The following ZNF787 variants were observed in gnomAD, a reference collection of about 807,000 sequenced individuals.
The protein encoded by ZNF787 is TTF-I-interacting peptide 20.
A neutral mutation model predicts 16.9 loss-of-function variants in ZNF787; 7 were observed. The observed-to-expected ratio is 0.42, with a 90% CI of 0.24 to 0.78. The LOEUF is 0.78. Among genes scored for constraint, ZNF787 ranks in the 30% least tolerant of loss-of-function variants. The pLI is 0.30. For missense variants in ZNF787, 551 were observed against 589.3 expected, an observed-to-expected ratio of 0.94 and a Z score of 0.67; for synonymous variants, 345 against 270.9, an observed-to-expected ratio of 1.27 and a Z score of -2.69.
Position 56,087,886 on chromosome 19 carries a change from A to C in ZNF787, c.*137T>G, listed in dbSNP as rs1568520003. 2 of 1,256,872 alleles carry C rather than the reference A, an allele frequency of 1.6e-6. No individual in the cohort carries two copies. The highest frequency in any genetic ancestry group is 1.6e-5 in the African/African-American group (1 of 62,734). The allele number at this position is 1,256,872 out of a possible 1,614,324, so 77.9% of individuals were successfully genotyped here. ...GCCCCCCCACGGACGGCGCAGGGACAGAGGAGGGCGGGGAGCCGGGGATGC... is the reference window on the plus strand; with the variant it reads ...GCCCCCCCACGGACGGCGCAGGGACCGAGGAGGGCGGGGAGCCGGGGATGC... On this transcript the variant is annotated 3_prime_UTR_variant, in exon 3 of 3. Transcript: ENST00000610935.
intron 1 of ZNF787, among the ~76,000 whole-genome samples, chr19:56,109,487 T>C (rs139774961): frequency 1.1e-4 from 17 of 152,306 alleles, no homozygotes; most frequent in African/African-American, 3.8e-4. Flanking sequence ...TCCCTCAGCC[T>C]CCCCAAGGAT....
intron 2 of ZNF787, among the ~76,000 whole-genome samples, chr19:56,096,760 G>A (rs1237423079): frequency 6.6e-6 from 1 of 152,110 alleles, no homozygotes; most frequent in African/African-American, 2.4e-5. Context: ...AATAAAGAGA[G>A]ATGAGGGTGC....
intron 2 of ZNF787, among the ~76,000 whole-genome samples, chr19:56,091,588 G>A (rs76163768): frequency 0.017 from 2,618 of 152,318 alleles, 77 homozygotes; most frequent in African/African-American, 0.059. Flanking sequence ...TTCCTCTAGA[G>A]GCAAACTGGG....
chr19:56,106,923 G>C (rs1051354785), intron 1 of ZNF787, among the ~76,000 whole-genome samples: 1 of 152,248 alleles, frequency 6.6e-6, no homozygotes, highest in Non-Finnish European at 1.5e-5. Flanking sequence ...CCAGTGACAA[G>C]AAGCTCACCA....
rs191492766 is a variant in ZNF787 at position 56,112,350 on chromosome 19, G to A, written c.-11+8822C>T. ...GGGGTCTCAGGCTCTCCCAGCCTCT[G>A]CAGGTGCTTACTCACCTGGCTCTGA... On this transcript the variant is annotated intron_variant, in intron 1 of 2. Transcript: ENST00000610935. Among the ~76,000 whole-genome samples the A allele has an allele frequency of 2.2e-3, 332 of 152,294 alleles. 2 individuals are homozygous for A. Among genetic ancestry groups the A allele is most frequent in the African/African-American group, 7.5e-3 (310 of 41,572 alleles).
chr19:56,094,753 G>T (rs1003601660), intron 2 of ZNF787, among the ~76,000 whole-genome samples: 5 of 152,066 alleles, frequency 3.3e-5, no homozygotes, highest in African/African-American at 1.2e-4. Flanking sequence ...CACGGACAGG[G>T]TGGGGAGGTA....
chr19:56,093,188 G>A (rs1036183192), intron 2 of ZNF787, among the ~76,000 whole-genome samples: 1 of 151,606 alleles, frequency 6.6e-6, no homozygotes, highest in Non-Finnish European at 1.5e-5. Context: ...TGGCGGAAGT[G>A]GGATATCCCA....
At chr19:56,098,878 G>A (rs1985984875) in intron 2 of ZNF787, among the ~76,000 whole-genome samples, 2 of 151,428 alleles carry the variant, frequency 1.3e-5, no homozygotes, top group African/African-American at 2.4e-5. Context: ...TGATACGGCC[G>A]CAGGGTGATG....
At position 56,087,889 on chromosome 19, in the gene ZNF787, G is replaced by A. The variant is rs1378021232; in HGVS notation, c.*134C>T. 2 of 1,262,290 alleles carry A rather than the reference G, an allele frequency of 1.6e-6. No homozygotes were observed. 78.2% of individuals were successfully genotyped at this position (1,262,290 alleles called of 1,614,324 possible). On this transcript the variant is annotated 3_prime_UTR_variant, in exon 3 of 3. Coordinates refer to ENST00000610935, the MANE Select transcript of ZNF787 (RefSeq NM_001002836.4). ...CCCCCACGGACGGCGCAGGGACAGA[G>A]GAGGGCGGGGAGCCGGGGATGCCGC...
chr19:56,102,810 G>A (rs1986151304), intron 2 of ZNF787: 1 of 676,154 alleles, frequency 1.5e-6, no homozygotes. Context: ...GTGGAGGCGG[G>A]GCTGTGGGGA....
In ZNF787 at chr19:56,088,829, T is replaced by G; in HGVS notation, c.343A>C (p.Ile115Leu). 1 of 1,611,134 alleles carries G rather than the reference T, an allele frequency of 6.2e-7. No homozygotes were observed. The highest frequency in any genetic ancestry group is 8.5e-7 in the Non-Finnish European group (1 of 1,178,826). Residue 115 changes from isoleucine (I) to leucine (L), a missense_variant, in exon 3 of 3, where the codon ATC becomes CTC. Coordinates refer to ENST00000610935, the MANE Select transcript of ZNF787 (RefSeq NM_001002836.4). The surrounding 1 kb of genome is among the most constrained non-coding windows in gnomAD (Gnocchi z 8.6). ...QSSHLVQHRR[I>L]HTGEKPYACL... ...GCGTAGGGCTTCTCGCCCGTGTGGA[T>G]GCGCCGGTGCTGCACCAGGTGCGAG...
intron 1 of ZNF787, among the ~76,000 whole-genome samples, chr19:56,110,275 G>A (rs935455018): frequency 6.6e-6 from 1 of 151,386 alleles, no homozygotes; most frequent in African/African-American, 2.4e-5. Flanking sequence ...CAGGAGAATC[G>A]CTTGAACCCC....
In ZNF787 at chr19:56,089,031, C is replaced by T. The variant is rs750043770; in HGVS notation, c.141G>A (p.Pro47=). ...GGCCGGCTGGGGGCGCAGACTGGGG[C>T]GGGGACAGCTTGGTGGGAGGCCAGC... ...VPSWPPTKLS[P]PQSAPPAGPP... The change falls in exon 3 of 3, where the codon CCG becomes CCA. Residue 47 remains proline (P), a synonymous_variant. Coordinates refer to ENST00000610935, the MANE Select transcript of ZNF787 (RefSeq NM_001002836.4). 1.1e-4 allele frequency: 155 copies of T among 1,469,182 alleles called. 1 individual carries two copies. Among genetic ancestry groups the T allele is most frequent in the Non-Finnish European group, 7.5e-5 (83 of 1,113,182 alleles). 91.0% of individuals were successfully genotyped at this position (1,469,182 alleles called of 1,614,324 possible).
Position 56,107,506 on chromosome 19 carries a change from T to TCACC in ZNF787, c.-10-4280_-10-4279insGGTG, listed in dbSNP as rs1568532187. ...GGGTCACCGGGAGACACGGGGTCAC[T>TCACC]GTGAGACAATGGGGTCACTGGGAGA... On this transcript the variant is annotated intron_variant, in intron 1 of 2. Coordinates refer to ENST00000610935, the MANE Select transcript of ZNF787 (RefSeq NM_001002836.4). Among the ~76,000 whole-genome samples the TCACC allele has an allele frequency of 1.2e-3, 183 of 147,866 alleles. 1 individual carries two copies. Among genetic ancestry groups the TCACC allele is most frequent in the Non-Finnish European group, 1.7e-3 (115 of 67,756 alleles).
intron 1 of ZNF787, among the ~76,000 whole-genome samples, chr19:56,106,545 A>AC (rs1986321544): frequency 6.6e-6 from 1 of 152,080 alleles, no homozygotes; most frequent in Non-Finnish European, 1.5e-5. Context: ...CCCTCGACCA[A>AC]CCATTAGCAA....
At chr19:56,095,978 A>G (rs952643614) in intron 2 of ZNF787, among the ~76,000 whole-genome samples, 2 of 152,180 alleles carry the variant, frequency 1.3e-5, no homozygotes, top group African/African-American at 4.8e-5. Context: ...CTTAGGACCT[A>G]GTAACTTTGC....
chr19:56,106,369 G>A (rs1231274854), intron 1 of ZNF787, among the ~76,000 whole-genome samples: 2 of 152,246 alleles, frequency 1.3e-5, no homozygotes, highest in Non-Finnish European at 2.9e-5. Flanking sequence ...TTCCACAGCG[G>A]GCATTGTGTA....
rs1985374641 is a variant in ZNF787 at position 56,087,998 on chromosome 19, C to T, written c.*25G>A. 1.9e-6 allele frequency: 2 copies of T among 1,048,214 alleles called. No individual in the cohort carries two copies. Among genetic ancestry groups the T allele is most frequent in the African/African-American group, 2.6e-5 (1 of 39,076 alleles). 64.9% of individuals were successfully genotyped at this position (1,048,214 alleles called of 1,614,324 possible). ...TCCCGCCAAGCCCGAGGGGCCCTGCCCGCCCCCCCCCCCGGGCCCCTCCCC... is the reference window on the plus strand; with the variant it reads ...TCCCGCCAAGCCCGAGGGGCCCTGCTCGCCCCCCCCCCCGGGCCCCTCCCC... On this transcript the variant is annotated 3_prime_UTR_variant, in exon 3 of 3. Coordinates refer to ENST00000610935, the MANE Select transcript of ZNF787 (RefSeq NM_001002836.4).
At chr19:56,110,943 G>C (rs1007356934) in intron 1 of ZNF787, among the ~76,000 whole-genome samples, 3 of 152,234 alleles carry the variant, frequency 2.0e-5, no homozygotes, top group African/African-American at 7.2e-5. Flanking sequence ...GCTGGGTAGG[G>C]GGGTAGTGAG....
Sources: gnomAD v4.1 joint callset for allele counts (sites outside exome capture counted in the v4.1 genomes callset) on GRCh38, gnomAD v4.1.1 for gene constraint, Gnocchi (gnomAD v3.1) non-coding constraint, MANE v1.5 for transcripts, NCBI Gene and HGNC (gene_info 2026-07-23, HGNC 2026-07-21) for gene names.